DPP9: variants seen among roughly 807,000 people sequenced by gnomAD.
DPP9 encodes dipeptidyl peptidase IV-related protein-2.
Under a neutral mutation model 110.7 loss-of-function variants are expected in DPP9, and 50 were observed. The ratio of observed to expected loss-of-function variants is 0.45; its 90% CI spans 0.36 to 0.57. The LOEUF is 0.57. Among genes scored for constraint, DPP9 ranks in the 20% least tolerant of loss-of-function variants. The pLI, the probability that DPP9 is intolerant of heterozygous loss-of-function variation, is 0.00. For synonymous variants in DPP9, 561 were observed against 514.4 expected (o/e 1.09, Z -1.23); for missense variants, 1,022 against 1,217.9 (o/e 0.84, Z 2.39).
At chr19:4,709,849 C>A (rs1458936043) in intron 4 of DPP9, among the ~76,000 whole-genome samples, 2 of 152,178 alleles carry the variant, frequency 1.3e-5, no homozygotes, top group African/African-American at 4.8e-5. Flanking sequence ...AGGGCCTGGG[C>A]AGCTAGTCCA....
intron 4 of DPP9, among the ~76,000 whole-genome samples, chr19:4,709,630 C>T (rs2092739386): frequency 6.6e-6 from 1 of 151,976 alleles, no homozygotes; most frequent in Non-Finnish European, 1.5e-5. Flanking sequence ...TCATGGTTGC[C>T]CGGGGCTTGG....
At chr19:4,690,658 G>A (rs1599887591) in intron 14 of DPP9, among the ~76,000 whole-genome samples, 1 of 152,208 alleles carries the variant, frequency 6.6e-6, no homozygotes, top group African/African-American at 2.4e-5. Flanking sequence ...AGACGGGGAG[G>A]TGATGAAATG....
chr19:4,688,602 T>C, intron 16 of DPP9, 155 bp downstream of exon 16: 2 of 1,004,048 alleles, frequency 2.0e-6, no homozygotes, highest in Non-Finnish European at 2.7e-6. Context: ...TTATGTCCTA[T>C]GACGAGTTCC....
chr19:4,703,993 T>C lies in DPP9; in HGVS notation c.662A>G (p.Lys221Arg). The C allele has an allele frequency of 1.9e-6, 3 of 1,613,990 alleles. No homozygotes were observed. The highest frequency in any genetic ancestry group is 2.5e-6 in the Non-Finnish European group (3 of 1,179,872). ...TQCSGPRMDPKICPADPAFFS... is the reference protein window; with the variant it reads ...TQCSGPRMDPRICPADPAFFS... The stretch of plus-strand genomic sequence containing the variant: ...GAAGGCAGGGTCGGCAGGGCAGATT[T>C]TGGGGTCCATCCGGGGCCCTGAGCA... The change falls in exon 7 of 22, where the codon AAA becomes AGA. Residue 221 changes from lysine to arginine, a missense_variant. Coordinates refer to ENST00000262960, the MANE Select transcript of DPP9 (RefSeq NM_139159.5).
At chr19:4,696,893 C>CTAAG (rs1164807602) in intron 11 of DPP9, among the ~76,000 whole-genome samples, 1 of 152,078 alleles carries the variant, frequency 6.6e-6, no homozygotes, top group East Asian at 1.9e-4. Context: ...AGTGAACAGG[C>CTAAG]TAAGAGGCAT....
Position 4,688,820 on chromosome 19 carries a change from C to G in DPP9, c.1822G>C (p.Gly608Arg), listed in dbSNP as rs755165617. 1 of 1,497,576 alleles carries G rather than the reference C, an allele frequency of 6.7e-7. No individual in the cohort carries two copies. The highest frequency in any genetic ancestry group is 8.8e-7 in the Non-Finnish European group (1 of 1,134,138). The allele number at this position is 1,497,576 out of a possible 1,614,324, so 92.8% of individuals were successfully genotyped here. ...PPCVHVYKLS[G>R]PDDDPLHKQP... Reference sequence around the variant, plus strand: ...TTGTGCAGGGGGTCGTCGTCGGGGCCGCTCAGCTTGTAGACGTGCACGCAG... The same window carrying G: ...TTGTGCAGGGGGTCGTCGTCGGGGCGGCTCAGCTTGTAGACGTGCACGCAG... The change falls in exon 16 of 22, where the codon GGC becomes CGC. Residue 608 changes from glycine (G) to arginine (R), a missense_variant. Gly to Arg is a moderately radical substitution (Grantham distance 125). Transcript: ENST00000262960.
chr19:4,705,937 A>T lies in DPP9; in HGVS notation c.347T>A (p.Leu116His). The T allele has an allele frequency of 6.2e-7, 1 of 1,613,910 alleles. No individual in the cohort carries two copies. The highest frequency in any genetic ancestry group is 8.5e-7 in the Non-Finnish European group (1 of 1,179,818). ...MPYGSRENSL[L>H]YSEIPKKVRK... ...GACCTTCTTGGGAATCTCAGAGTAG[A>T]GGAGGGAGTTCTCTCGGCTGCCATA... is the stretch of plus-strand genomic sequence containing the variant. The change falls in exon 5 of 22, where the codon CTC becomes CAC. Residue 116 changes from leucine (L) to histidine (H), a missense_variant. By Grantham distance (99) the Leu-to-His change is moderately conservative. Coordinates refer to ENST00000262960, the MANE Select transcript of DPP9 (RefSeq NM_139159.5).
chr19:4,689,523 G>A lies in DPP9; in HGVS notation c.1749+47C>T. On this transcript the variant is annotated intron_variant, in intron 15 of 21. Transcript: ENST00000262960. This position sits in a 1 kb window ranked among gnomAD's most constrained non-coding sequence, Gnocchi z 7.0. ...CCATGAGGGACTGCTCTGGCTGGGA[G>A]CTGTTGGACGGGCACAGGGCGGTGC... The A allele has an allele frequency of 2.0e-6, 3 of 1,532,212 alleles. No homozygotes were observed. The highest frequency in any genetic ancestry group is 2.5e-5 in the East Asian group (1 of 40,700). The allele number at this position is 1,532,212 out of a possible 1,614,324, so 94.9% of individuals were successfully genotyped here. A position where few individuals can be genotyped will look rare whatever the true frequency, so the allele number is the denominator to read the frequency against.
At chr19:4,707,199 A>G (rs1351442174) in intron 4 of DPP9, among the ~76,000 whole-genome samples, 5 of 152,182 alleles carry the variant, frequency 3.3e-5, no homozygotes, top group African/African-American at 1.2e-4. Context: ...TTTCATCAGT[A>G]AGCCGCGGCT....
Position 4,685,896 on chromosome 19 carries a change from CGA to C in DPP9, c.1886-127_1886-126del. On this transcript the variant is annotated intron_variant, in intron 16 of 21. Transcript: ENST00000262960. This position sits in a 1 kb window ranked among gnomAD's most constrained non-coding sequence, Gnocchi z 5.8. ...GCACCCCCTCTTTTCCTGGGCTTCC[CGA>C]GAGTTGATAATTGAAAAAAACGTTT... 8.6e-7 allele frequency: 1 copy of C among 1,163,646 alleles called. No individual in the cohort carries two copies. Among genetic ancestry groups the C allele is most frequent in the South Asian group, 1.6e-5 (1 of 63,664 alleles). The allele number at this position is 1,163,646 out of a possible 1,614,324, so 72.1% of individuals were successfully genotyped here.
rs1441835135 is a variant in DPP9 at position 4,700,232 on chromosome 19, G to C, written c.1058C>G (p.Thr353Ser). 7 of 1,598,088 alleles carry C rather than the reference G, an allele frequency of 4.4e-6. No homozygotes were observed. The highest frequency in any genetic ancestry group is 1.1e-5 in the South Asian group (1 of 89,076). The change falls in exon 10 of 22, where the codon ACT (threonine) becomes AGT (serine). Residue 353 changes from threonine to serine, a missense_variant. By Grantham distance (58) the Thr-to-Ser change is moderately conservative. Transcript: ENST00000262960. The surrounding 1 kb of genome is among the most constrained non-coding windows in gnomAD (Gnocchi z 4.3). ...CCCCCTTACCTTGCCCTGGCTGTCAGTCTGGAACTCAGCCAGTTTCAAGGC... is the reference window on the plus strand; with the variant it reads ...CCCCCTTACCTTGCCCTGGCTGTCACTCTGGAACTCAGCCAGTTTCAAGGC... ...KIALKLAEFQ[T>S]DSQGKIVSTQ... is the part of the protein sequence containing the mutation.
rs2090593703 is a variant in DPP9 at position 4,685,629 on chromosome 19, G to A, written c.2028C>T (p.Pro676=). 1 of 1,604,292 alleles carries A rather than the reference G, an allele frequency of 6.2e-7. No individual in the cohort carries two copies. Among genetic ancestry groups the A allele is most frequent in the African/African-American group, 1.3e-5 (1 of 74,954 alleles). Residue 676 remains proline, a synonymous_variant, in exon 17 of 22, where the codon CCC becomes CCT. Transcript: ENST00000262960. This position sits in a 1 kb window ranked among gnomAD's most constrained non-coding sequence, Gnocchi z 5.8. ...TGGGGAGCAGGTGTGCACTCACCTG[G>A]GGGCCTCCATATACAAAGAGGACGG... ...HPTVLFVYGG[P]QVQLVNNSFK... is the part of the protein sequence containing the mutation.
At chr19:4,719,363 T>TAAAA (rs1555721570) in intron 3 of DPP9, 3 of 131,824 alleles carry the variant, frequency 2.3e-5, no homozygotes, top group East Asian at 4.1e-4. Flanking sequence ...AATAAATAAA[T>TAAAA]AAATAAAAAT....
At chr19:4,713,493 G>A (rs2092929542) in intron 4 of DPP9, among the ~76,000 whole-genome samples, 1 of 152,248 alleles carries the variant, frequency 6.6e-6, no homozygotes, top group African/African-American at 2.4e-5. Flanking sequence ...CACGCCCAGA[G>A]GAGGAAGTGT....
chr19:4,681,886 G>A (rs1373210672), intron 20 of DPP9, among the ~76,000 whole-genome samples: 4 of 126,354 alleles, frequency 3.2e-5, no homozygotes, highest in South Asian at 2.5e-4. Context: ...TGGCTCTGTC[G>A]CCCAGACTGT....
chr19:4,721,262 C>T (rs2093310414), intron 2 of DPP9, among the ~76,000 whole-genome samples: 1 of 152,234 alleles, frequency 6.6e-6, no homozygotes, highest in South Asian at 2.1e-4. Flanking sequence ...GCACTCCTCA[C>T]GGGAATATCA....
At chr19:4,711,264 C>CA (rs2092816566) in intron 4 of DPP9, among the ~76,000 whole-genome samples, 1 of 152,138 alleles carries the variant, frequency 6.6e-6, no homozygotes, top group Non-Finnish European at 1.5e-5. Flanking sequence ...CTTCATGGCT[C>CA]AGACGAGCTT....
chr19:4,689,871 A>G lies in DPP9; in HGVS notation c.1597-149T>C, dbSNP rs1191777680. 28 of 896,116 alleles carry G rather than the reference A, an allele frequency of 3.1e-5. No homozygotes were observed. In the East Asian group the frequency reaches 7.7e-4, roughly 25 times the overall value. The allele number at this position is 896,116 out of a possible 1,614,324, so 55.5% of individuals were successfully genotyped here. On this transcript the variant is annotated intron_variant, in intron 14 of 21. Transcript: ENST00000262960. The surrounding 1 kb of genome is among the most constrained non-coding windows in gnomAD (Gnocchi z 7.0). ...AGTCTGGCTTTAGGGCTGGAGATGA[A>G]CCATCCCTGAGAGATGCGCTTATCT...
At position 4,685,723 on chromosome 19, in the gene DPP9, C is replaced by T. The variant is rs745988138; in HGVS notation, c.1934G>A (p.Arg645His). ...CATGCCGTAGAGCCGCACATCCGAG[C>T]GCGTGTGGAAATGGAAGATCTCTGG... ...VPPEIFHFHT[R>H]SDVRLYGMIY... Residue 645 changes from arginine (R) to histidine (H), a missense_variant, in exon 17 of 22, where the codon CGC becomes CAC. Transcript: ENST00000262960. The surrounding 1 kb of genome is among the most constrained non-coding windows in gnomAD (Gnocchi z 5.8). 26 of 1,613,222 alleles carry T rather than the reference C, an allele frequency of 1.6e-5. No individual in the cohort carries two copies. Among genetic ancestry groups the T allele is most frequent in the South Asian group, 1.3e-4 (12 of 91,044 alleles).
Sources: gnomAD v4.1 joint callset for allele counts (sites outside exome capture counted in the v4.1 genomes callset) on GRCh38, gnomAD v4.1.1 for gene constraint, Gnocchi (gnomAD v3.1) non-coding constraint, MANE v1.5 for transcripts, NCBI Gene and HGNC (gene_info 2026-07-23, HGNC 2026-07-21) for gene names.